Variants in HK1 observed in about 807,000 individuals in gnomAD.
The protein encoded by HK1 is hexokinase-1.
HK1 carries 28 observed loss-of-function variants against 91.6 expected under a neutral mutation model. The observed-to-expected ratio is 0.31, with a 90% confidence interval of 0.23 to 0.42. The LOEUF is 0.42. Ranked by LOEUF, HK1 falls within the 10% of genes least tolerant of loss-of-function variation. The pLI is 1.00. For missense variants in HK1, 770 were observed against 1,219.8 expected (o/e 0.63, Z 5.49); for synonymous variants, 430 against 468.1 (o/e 0.92, Z 1.05).
chr10:69,369,475 G>A lies in HK1; in HGVS notation c.726G>A (p.Leu242=), dbSNP rs776646779. 1.2e-6 allele frequency: 2 copies of A among 1,614,228 alleles called. No individual in the cohort carries two copies. The highest frequency in any genetic ancestry group is 1.1e-5 in the South Asian group (1 of 91,090). ...CCAATGCTTGCTACATGGAGGAACT[G>A]AGGCACATTGATCTGGTGGAAGGAG... is the stretch of plus-strand genomic sequence containing the variant. The part of the protein sequence containing the change: ...TGTNACYMEE[L]RHIDLVEGDE... The change falls in exon 7 of 18, where the codon CTG becomes CTA. Residue 242 remains leucine, a synonymous_variant. Coordinates refer to ENST00000359426, the MANE Select transcript of HK1 (RefSeq NM_000188.3). The surrounding 1 kb of genome is among the most constrained non-coding windows in gnomAD (Gnocchi z 4.4).
At chr10:69,295,650 A>G (rs749676376) in exon 4 of HK1, 13 of 1,609,866 alleles carry the variant, frequency 8.1e-6, no homozygotes, top group Non-Finnish European at 1.0e-5. Context: ...CAGCTGAAAA[A>G]CCAAAACTTC....
chr10:69,400,455 T>TG (rs71009214), intron 17 of HK1, among the ~76,000 whole-genome samples: 28,016 of 152,126 alleles, frequency 0.18, 2,810 homozygotes, highest in Middle Eastern at 0.29. Flanking sequence ...GGTGGGGCGC[T>TG]GGGGGTCTCA....
intron 1 of HK1, among the ~76,000 whole-genome samples, chr10:69,276,896 AG>A (rs1213133155): frequency 6.6e-6 from 1 of 151,756 alleles, no homozygotes; most frequent in Non-Finnish European, 1.5e-5. Context: ...CTTCTCCCAA[AG>A]AAGACAAGTA....
intron 2 of HK1, among the ~76,000 whole-genome samples, chr10:69,284,234 C>A (rs1844907243): frequency 1.3e-5 from 2 of 152,258 alleles, no homozygotes; most frequent in South Asian, 2.1e-4. Context: ...AGCCATATGA[C>A]CTTGGGAAGC....
intron 15 of HK1, among the ~76,000 whole-genome samples, chr10:69,393,547 T>C (rs934379070): frequency 6.6e-6 from 1 of 152,246 alleles, no homozygotes; most frequent in Non-Finnish European, 1.5e-5. Context: ...TTGGCCCGCC[T>C]CAGCCTCCCA....
intron 11 of HK1, 114 bp from the exon 12 acceptor site, chr10:69,384,682 A>T: frequency 1.4e-6 from 2 of 1,473,764 alleles, no homozygotes; most frequent in South Asian, 2.3e-5. Flanking sequence ...CTCACTCTGC[A>T]TGTGTGTGGG....
Position 69,380,092 on chromosome 10 carries a change from C to T in HK1, c.1262C>T (p.Pro421Leu). ...GACGGATCTCTTTACAAGACGCACCCACAGTGAGTCTGCCCTTTGCTATCA... is the reference window on the plus strand; with the variant it reads ...GACGGATCTCTTTACAAGACGCACCTACAGTGAGTCTGCCCTTTGCTATCA... Reference protein sequence around the residue: ...GVDGSLYKTHPQYSRRFHKTL... With the variant: ...GVDGSLYKTHLQYSRRFHKTL... Residue 421 changes from proline (P) to leucine (L), a missense_variant, in exon 9 of 18, where the codon CCA (proline) becomes CTA (leucine). Pro to Leu is a moderately conservative substitution (Grantham distance 98). Transcript: ENST00000359426. The surrounding 1 kb of genome is among the most constrained non-coding windows in gnomAD (Gnocchi z 4.0). 1 of 1,608,922 alleles carries T rather than the reference C, an allele frequency of 6.2e-7. No homozygotes were observed. The highest frequency in any genetic ancestry group is 8.5e-7 in the Non-Finnish European group (1 of 1,175,202).
intron 12 of HK1, among the ~76,000 whole-genome samples, chr10:69,385,264 C>A (rs1839578728): frequency 6.6e-6 from 1 of 152,220 alleles, no homozygotes; most frequent in Non-Finnish European, 1.5e-5. Context: ...GTGGTAGACT[C>A]CGTGAGCAAG....
chr10:69,391,290 A>G (rs2132934892), intron 14 of HK1, among the ~76,000 whole-genome samples: 1 of 152,372 alleles, frequency 6.6e-6, no homozygotes, highest in East Asian at 1.9e-4. Context: ...CTTCATCCCA[A>G]GGTATGTAGG....
At chr10:69,290,488 C>CGTTT (rs1564756492) in intron 3 of HK1, among the ~76,000 whole-genome samples, 3 of 151,934 alleles carry the variant, frequency 2.0e-5, no homozygotes, top group African/African-American at 4.8e-5. Flanking sequence ...CAGGGTTTTT[C>CGTTT]GTTTGTTTGT....
intron 9 of HK1, among the ~76,000 whole-genome samples, chr10:69,381,661 C>G (rs1839395255): frequency 6.7e-6 from 1 of 150,072 alleles, no homozygotes; most frequent in Non-Finnish European, 1.5e-5. Context: ...TCCAGCAATT[C>G]TCCTGCCTCA....
intron 2 of HK1, among the ~76,000 whole-genome samples, chr10:69,286,898 G>A (rs1476140632): frequency 2.0e-5 from 3 of 152,132 alleles, no homozygotes; most frequent in Non-Finnish European, 4.4e-5. Context: ...TGCCTCTGTC[G>A]AGGAAGCTCA....
chr10:69,384,787 C>A lies in HK1; in HGVS notation c.1720-9C>A. ...GAGAGCACGGGCGATCCTTTCTTTTCCCCTGCAGCTGTTTGATCACATTGT... is the reference window on the plus strand; with the variant it reads ...GAGAGCACGGGCGATCCTTTCTTTTACCCTGCAGCTGTTTGATCACATTGT... On this transcript the variant is annotated splice_polypyrimidine_tract_variant and intron_variant, in intron 11 of 17. Transcript: ENST00000359426. 1.2e-6 allele frequency: 2 copies of A among 1,614,210 alleles called. No individual in the cohort carries two copies. Among genetic ancestry groups the A allele is most frequent in the Non-Finnish European group, 1.7e-6 (2 of 1,180,032 alleles).
chr10:69,367,006 G>A (rs902404445), intron 4 of HK1, among the ~76,000 whole-genome samples: 12 of 152,202 alleles, frequency 7.9e-5, no homozygotes, highest in African/African-American at 2.2e-4. Flanking sequence ...TAATGTTACC[G>A]TACAGTAGGT....
intron 2 of HK1, among the ~76,000 whole-genome samples, chr10:69,350,559 G>T (rs1848796358): frequency 1.3e-5 from 2 of 152,160 alleles, no homozygotes; most frequent in Admixed American, 6.6e-5. Context: ...CTACTCGGGA[G>T]GCTGAGGCAG....
chr10:69,351,202 A>T (rs1414996829), intron 2 of HK1, among the ~76,000 whole-genome samples: 1 of 147,980 alleles, frequency 6.8e-6, no homozygotes, highest in African/African-American at 2.5e-5. Flanking sequence ...TAAATAAATA[A>T]ATAAATAAAT....
chr10:69,319,270 G>A, intron 1 of HK1: 1 of 582,508 alleles, frequency 1.7e-6, no homozygotes. Flanking sequence ...TCCTTGAAAC[G>A]GGCCCTGGAT....
chr10:69,339,670 T>G (rs930803982), intron 1 of HK1, among the ~76,000 whole-genome samples: 3 of 152,248 alleles, frequency 2.0e-5, no homozygotes, highest in African/African-American at 7.2e-5. Context: ...TGTGCTGAGC[T>G]GCACCTTGAC....
intron 3 of HK1, among the ~76,000 whole-genome samples, chr10:69,294,843 C>T (rs931222098): frequency 2.0e-5 from 3 of 151,856 alleles, no homozygotes; most frequent in African/African-American, 4.8e-5. Flanking sequence ...GCCTGGGCAA[C>T]AGAGCGAGAC....
Sources: allele counts gnomAD v4.1 joint callset (sites outside exome capture counted in the v4.1 genomes callset), GRCh38; gene constraint gnomAD v4.1.1; non-coding constraint Gnocchi (gnomAD v3.1); transcripts MANE v1.5; gene names NCBI Gene and HGNC (gene_info 2026-07-23, HGNC 2026-07-21).